Variants in FGF14 observed in about 807,000 individuals in gnomAD.
The protein encoded by FGF14 is fibroblast growth factor homologous factor 4.
Under a neutral mutation model 25.5 loss-of-function variants are expected in FGF14, and 5 were observed. The ratio of observed to expected loss-of-function variants is 0.20; its 90% CI spans 0.10 to 0.41. FGF14 has a LOEUF of 0.41. FGF14 is among the 10% of genes least tolerant of loss of function. FGF14 has a pLI of 1.00. For missense variants in FGF14, 222 were observed against 320.1 expected (o/e 0.69, Z 2.34); for synonymous variants, 138 against 118.3 (o/e 1.17, Z -1.08).
rs546080776 is a variant in FGF14, at chr13:102,067,617, C to G, written c.209-192321G>C. Among the ~76,000 whole-genome samples, 4 of 149,976 alleles carry G rather than the reference C, an allele frequency of 2.7e-5. No homozygotes were observed. In the South Asian group the frequency reaches 6.4e-4, roughly 24 times the overall value. ...TGCACAGTCAGGGGAGACAAAATAA[C>G]AAAGAATACAAAGGAATAAAGCATG... is the stretch of plus-strand genomic sequence containing the variant. On this transcript the variant is annotated intron_variant, in intron 1 of 4. Transcript: ENST00000376131.
chr13:101,855,066 A>C (rs1051601985), intron 3 of FGF14, among the ~76,000 whole-genome samples: 1 of 152,014 alleles, frequency 6.6e-6, no homozygotes, highest in South Asian at 2.1e-4. Flanking sequence ...ACACACACAC[A>C]ACACATTTAA....
chr13:102,088,933 A>T (rs1291197774), intron 1 of FGF14, among the ~76,000 whole-genome samples: 1 of 152,182 alleles, frequency 6.6e-6, no homozygotes, highest in Non-Finnish European at 1.5e-5. Flanking sequence ...TAGGAAACTA[A>T]AACACCTAAC....
intron 1 of FGF14, among the ~76,000 whole-genome samples, chr13:102,081,775 G>C (rs2043635281): frequency 6.6e-6 from 1 of 151,900 alleles, no homozygotes; most frequent in Admixed American, 6.6e-5. Flanking sequence ...ATATCTAGTT[G>C]GTAAAATGCG....
intron 1 of FGF14, among the ~76,000 whole-genome samples, chr13:102,125,779 G>A (rs978193342): frequency 1.3e-5 from 2 of 152,012 alleles, no homozygotes; most frequent in African/African-American, 4.8e-5. Flanking sequence ...AGTGTGTCAT[G>A]GTGTAAAACA....
intron 1 of FGF14, among the ~76,000 whole-genome samples, chr13:102,139,406 GAA>G (rs376459762): frequency 7.0e-6 from 1 of 143,510 alleles, no homozygotes; most frequent in Non-Finnish European, 1.5e-5. Flanking sequence ...TCTCAAGAAA[GAA>G]AAAAAAAATA....
At chr13:102,360,706 A>G (rs1263131327) in intron 1 of FGF14, among the ~76,000 whole-genome samples, 2 of 152,128 alleles carry the variant, frequency 1.3e-5, no homozygotes, top group Non-Finnish European at 2.9e-5. Context: ...CAAGGAGCAA[A>G]ATTATCAGAC....
chr13:102,372,127 A>T (rs2057903610), intron 1 of FGF14, among the ~76,000 whole-genome samples: 1 of 152,210 alleles, frequency 6.6e-6, no homozygotes, highest in African/African-American at 2.4e-5. Flanking sequence ...GCTATAATTT[A>T]GTCTTTTCAC....
chr13:101,972,681 C>T (rs4581573), intron 1 of FGF14, among the ~76,000 whole-genome samples: 56,056 of 151,280 alleles, frequency 0.37, 10,766 homozygotes, highest in East Asian at 0.71. Context: ...TTTTTTTTCT[C>T]CCTTTTTGTG....
chr13:102,139,751 T>A (rs2046560869), intron 1 of FGF14, among the ~76,000 whole-genome samples: 1 of 149,016 alleles, frequency 6.7e-6, no homozygotes, highest in South Asian at 2.2e-4. Context: ...AAGACCAAGA[T>A]GTTTCTATCC....
At chr13:102,289,521 A>C (rs2054272564) in intron 1 of FGF14, among the ~76,000 whole-genome samples, 3 of 152,176 alleles carry the variant, frequency 2.0e-5, no homozygotes, top group Admixed American at 1.3e-4. Context: ...GTTATGATAA[A>C]ATTTTATTTC....
intron 1 of FGF14, among the ~76,000 whole-genome samples, chr13:101,894,169 T>G (rs1477886012): frequency 2.0e-5 from 3 of 152,188 alleles, no homozygotes; most frequent in Admixed American, 6.6e-5. Flanking sequence ...ATTTGAGATT[T>G]AACAACTCCT....
At chr13:102,153,750 A>T (rs1262695892) in intron 1 of FGF14, among the ~76,000 whole-genome samples, 1 of 152,160 alleles carries the variant, frequency 6.6e-6, no homozygotes, top group African/African-American at 2.4e-5. Flanking sequence ...CTACTCTCAG[A>T]GTTAGCAATG....
At chr13:102,212,911 G>A (rs568205062) in intron 1 of FGF14, among the ~76,000 whole-genome samples, 3 of 152,280 alleles carry the variant, frequency 2.0e-5, no homozygotes, top group Admixed American at 6.5e-5. Context: ...TAAAGTCTGT[G>A]ACTCCACTTC....
At chr13:101,916,173 G>A (rs1387125278) in intron 1 of FGF14, among the ~76,000 whole-genome samples, 3 of 152,210 alleles carry the variant, frequency 2.0e-5, no homozygotes, top group Non-Finnish European at 1.5e-5. Context: ...GACTCAGGGG[G>A]AACAGGTTTC....
At chr13:101,873,276 C>A (rs1406107004) in intron 2 of FGF14, among the ~76,000 whole-genome samples, 1 of 152,074 alleles carries the variant, frequency 6.6e-6, no homozygotes, top group African/African-American at 2.4e-5. Flanking sequence ...ATTTTGTTGG[C>A]TCTGCAAAAA....
intron 1 of FGF14, among the ~76,000 whole-genome samples, chr13:102,159,322 C>T (rs2047517662): frequency 1.3e-5 from 2 of 152,146 alleles, no homozygotes; most frequent in Admixed American, 1.3e-4. Context: ...AGCAAAGCTT[C>T]ATAGCATTGA....
intron 1 of FGF14, among the ~76,000 whole-genome samples, chr13:102,288,741 T>C (rs1440462353): frequency 3.3e-5 from 5 of 151,958 alleles, no homozygotes. Context: ...CCTGCCACAA[T>C]GTACAGCTAA....
At chr13:102,071,502 A>AT (rs900545105) in intron 1 of FGF14, among the ~76,000 whole-genome samples, 1 of 152,028 alleles carries the variant, frequency 6.6e-6, no homozygotes, top group Non-Finnish European at 1.5e-5. Context: ...CCCTCTTGGT[A>AT]TTTTTTATAA....
chr13:102,083,152 C>T (rs557977948), intron 1 of FGF14, among the ~76,000 whole-genome samples: 1 of 152,134 alleles, frequency 6.6e-6, no homozygotes, highest in Non-Finnish European at 1.5e-5. Flanking sequence ...CACATTTTGT[C>T]TACTCTACCT....
Sources: gnomAD v4.1 joint callset for allele counts (sites outside exome capture counted in the v4.1 genomes callset) on GRCh38, gnomAD v4.1.1 for gene constraint, MANE v1.5 for transcripts, NCBI Gene and HGNC (gene_info 2026-07-23, HGNC 2026-07-21) for gene names.